The following SMIM10L3 variants were observed in gnomAD, a reference collection of about 807,000 sequenced individuals.
SMIM10L3 encodes small integral membrane protein 10 like 3.
the SMIM10L3 span, among the ~76,000 whole-genome samples, chr7:6,331,513 C>G: frequency 2.0e-5 from 3 of 151,710 alleles, no homozygotes; most frequent in Non-Finnish European, 4.4e-5. Context: ...GTCGCCCACG[C>G]TGGGCGACCA....
chr7:6,344,854 G>A, the SMIM10L3 span, among the ~76,000 whole-genome samples: 20 of 151,232 alleles, frequency 1.3e-4, no homozygotes, highest in African/African-American at 4.9e-4. Context: ...TAATTCTCCT[G>A]CCTCAGCCTC....
chr7:6,330,456 G>A, the SMIM10L3 span: 3 of 1,614,164 alleles, frequency 1.9e-6, no homozygotes, highest in Non-Finnish European at 2.5e-6. Context: ...CATCTGAGGT[G>A]CTTTTAAGCA....
the SMIM10L3 span, among the ~76,000 whole-genome samples, chr7:6,341,557 G>A: frequency 6.6e-6 from 1 of 150,664 alleles, no homozygotes; most frequent in African/African-American, 2.4e-5. Flanking sequence ...AGGTGTAGTG[G>A]TGGGAGCCTG....
chr7:6,348,624 G>T, the SMIM10L3 span: 1 of 496,774 alleles, frequency 2.0e-6, no homozygotes, highest in South Asian at 3.2e-5. Context: ...GGTAGGGGAA[G>T]TTGATACGCA....
the SMIM10L3 span, chr7:6,330,282 A>G: frequency 1.7e-6 from 2 of 1,210,768 alleles, no homozygotes; most frequent in Admixed American, 2.5e-5. Context: ...CAGGAACCTA[A>G]GGGCTGCACA....
chr7:6,336,885 C>G, the SMIM10L3 span, among the ~76,000 whole-genome samples: 1 of 151,984 alleles, frequency 6.6e-6, no homozygotes, highest in African/African-American at 2.4e-5. Context: ...AACTCCTGGG[C>G]TCAAGTGATC....
At chr7:6,348,892 G>C in the SMIM10L3 span, 1 of 387,966 alleles carries the variant, frequency 2.6e-6, no homozygotes, top group Non-Finnish European at 4.6e-6. Flanking sequence ...GGGCCGCAGT[G>C]GAGCGGAGTC....
chr7:6,340,788 A>G, the SMIM10L3 span, among the ~76,000 whole-genome samples: 2 of 150,756 alleles, frequency 1.3e-5, no homozygotes, highest in South Asian at 4.2e-4. Context: ...AGTCCCAGCT[A>G]CTCGGGAGGC....
chr7:6,340,238 T>C, the SMIM10L3 span, among the ~76,000 whole-genome samples: 2 of 152,170 alleles, frequency 1.3e-5, no homozygotes, highest in Admixed American at 6.6e-5. Flanking sequence ...GAATCTTCTC[T>C]GACTACTCTT....
At chr7:6,345,061 T>C in the SMIM10L3 span, among the ~76,000 whole-genome samples, 2 of 151,786 alleles carry the variant, frequency 1.3e-5, no homozygotes, top group African/African-American at 4.8e-5. Context: ...CCGGCCAGAG[T>C]TTAGCTTTCT....
At chr7:6,333,291 G>C in the SMIM10L3 span, among the ~76,000 whole-genome samples, 2 of 152,130 alleles carry the variant, frequency 1.3e-5, no homozygotes, top group African/African-American at 2.4e-5. Flanking sequence ...ATGTCACAGG[G>C]AGCCGGTGAT....
At chr7:6,339,043 C>T in the SMIM10L3 span, among the ~76,000 whole-genome samples, 2 of 152,152 alleles carry the variant, frequency 1.3e-5, no homozygotes, top group African/African-American at 4.8e-5. Flanking sequence ...AAACAAACCC[C>T]CGGATTTCCA....
At chr7:6,343,397 CAT>C in the SMIM10L3 span, among the ~76,000 whole-genome samples, 501 of 86,732 alleles carry the variant, frequency 5.8e-3, 3 homozygotes, top group Non-Finnish European at 6.9e-3. Context: ...ATAATAATTT[CAT>C]ATATATATAT....
chr7:6,338,502 G>C, the SMIM10L3 span: 16 of 152,282 alleles, frequency 1.1e-4, no homozygotes, highest in African/African-American at 3.9e-4. Context: ...GGGTTCCAGA[G>C]GGTAAATCTT....
At chr7:6,337,101 T>G in the SMIM10L3 span, among the ~76,000 whole-genome samples, 800 of 150,244 alleles carry the variant, frequency 5.3e-3, 3 homozygotes, top group South Asian at 0.019. Flanking sequence ...CAAGAGTCTC[T>G]CTCTGTCTCG....
the SMIM10L3 span, chr7:6,330,058 T>C: frequency 3.1e-6 from 1 of 319,516 alleles, no homozygotes; most frequent in Admixed American, 4.9e-5. Context: ...AGTAGCCCTT[T>C]AGAATGGATG....
At chr7:6,348,240 G>C in the SMIM10L3 span, among the ~76,000 whole-genome samples, 8 of 150,722 alleles carry the variant, frequency 5.3e-5, no homozygotes, top group African/African-American at 1.7e-4. Flanking sequence ...TAAGGGGGGG[G>C]GTTGCAAAGT....
the SMIM10L3 span, among the ~76,000 whole-genome samples, chr7:6,332,936 A>G: frequency 1.3e-5 from 2 of 152,098 alleles, no homozygotes; most frequent in Non-Finnish European, 2.9e-5. Context: ...CAAGGCGGAC[A>G]AATCATGAGG....
the SMIM10L3 span, chr7:6,330,608 A>C: frequency 6.2e-7 from 1 of 1,614,134 alleles, no homozygotes; most frequent in South Asian, 1.1e-5. Context: ...GCGGGTTCCA[A>C]CTCAGAGCCC....
Sources: gnomAD v4.1 joint callset for allele counts (sites outside exome capture counted in the v4.1 genomes callset) on GRCh38, gnomAD v4.1.1 for gene constraint, MANE v1.5 for transcripts, NCBI Gene and HGNC (gene_info 2026-07-23, HGNC 2026-07-21) for gene names.